The following TUBGCP5 variants were observed in gnomAD, a reference collection of about 807,000 sequenced individuals.
TUBGCP5 encodes the protein tubulin gamma complex component 5.
Under a neutral mutation model 134.7 loss-of-function variants are expected in TUBGCP5, and 98 were observed. The ratio of observed to expected loss-of-function variants is 0.73; its 90% CI spans 0.62 to 0.86. TUBGCP5 has a LOEUF of 0.86. Among genes scored for constraint, TUBGCP5 ranks in the 40% least tolerant of loss-of-function variants. The pLI, the probability that TUBGCP5 is intolerant of heterozygous loss-of-function variation, is 0.00. For synonymous variants in TUBGCP5, 456 were observed against 431.4 expected, an observed-to-expected ratio of 1.06 and a Z score of -0.71; for missense variants, 1,150 against 1,244.8, an observed-to-expected ratio of 0.92 and a Z score of 1.15.
chr15:23,020,932 T>C (rs1238354958), intron 11 of TUBGCP5, among the ~76,000 whole-genome samples: 5 of 152,150 alleles, frequency 3.3e-5, no homozygotes, highest in African/African-American at 1.2e-4. Context: ...TCTTGCTCTG[T>C]TGCCCAGGCT....
chr15:23,031,577 C>T (rs2066316831), intron 5 of TUBGCP5, among the ~76,000 whole-genome samples: 1 of 152,050 alleles, frequency 6.6e-6, no homozygotes, highest in East Asian at 1.9e-4. Flanking sequence ...CTCAGCCTCC[C>T]ACAATGCTGG....
chr15:23,019,700 GGGA>G (rs1200717881), intron 11 of TUBGCP5, among the ~76,000 whole-genome samples: 14 of 152,138 alleles, frequency 9.2e-5, no homozygotes, highest in African/African-American at 3.4e-4. Flanking sequence ...GGGAGGCTGA[GGGA>G]GGAGAATTGC....
chr15:22,996,399 C>T (rs1396854770), downstream of TUBGCP5, among the ~76,000 whole-genome samples: 1 of 152,072 alleles, frequency 6.6e-6, no homozygotes, highest in African/African-American at 2.4e-5. Flanking sequence ...AATCCCAGCA[C>T]TTTGGGAGGC....
At chr15:22,995,093 A>T (rs554139988), downstream of TUBGCP5, among the ~76,000 whole-genome samples, 16 of 152,004 alleles carry the variant, frequency 1.1e-4, no homozygotes, top group South Asian at 2.1e-3. Flanking sequence ...AAAATACAAA[A>T]ATTACCTGGG....
chr15:23,003,023 G>T (rs533626269), intron 21 of TUBGCP5, 42 bp downstream of exon 21: 2 of 1,596,918 alleles, frequency 1.3e-6, no homozygotes, highest in Non-Finnish European at 1.7e-6. Context: ...AGCTGAAGCT[G>T]AAATGGTCAC....
intron 16 of TUBGCP5, among the ~76,000 whole-genome samples, chr15:23,006,961 G>T (rs2064750814): frequency 6.6e-6 from 1 of 152,170 alleles, no homozygotes; most frequent in Non-Finnish European, 1.5e-5. Flanking sequence ...CCTGAGAAAT[G>T]ATGTCCTCTT....
At chr15:22,988,039 T>A (rs1343135004) in intron 23 of TUBGCP5, among the ~76,000 whole-genome samples, 1 of 151,676 alleles carries the variant, frequency 6.6e-6, no homozygotes, top group Non-Finnish European at 1.5e-5. Flanking sequence ...TGCCTTGATG[T>A]TGGGCACTCA....
intron 16 of TUBGCP5, 112 bp from the exon 17 acceptor site, chr15:23,006,464 T>G: frequency 1.4e-6 from 1 of 725,972 alleles, no homozygotes; most frequent in South Asian, 1.8e-5. Context: ...GATACTGCAT[T>G]TCATAAAAGA....
At chr15:23,005,082 T>C (rs1030334352) in intron 19 of TUBGCP5, among the ~76,000 whole-genome samples, 3 of 152,228 alleles carry the variant, frequency 2.0e-5, no homozygotes, top group Admixed American at 6.5e-5. Flanking sequence ...GTAGTGGATT[T>C]TGGCTGTTAT....
chr15:23,008,525 T>C (rs2064854514), intron 16 of TUBGCP5, 174 bp downstream of exon 16: 1 of 792,220 alleles, frequency 1.3e-6, no homozygotes, highest in African/African-American at 1.7e-5. Context: ...CCCAAAGTGC[T>C]GGCATTACAG....
chr15:23,031,319 CTTTT>C, intron 5 of TUBGCP5, among the ~76,000 whole-genome samples: 1 of 144,606 alleles, frequency 6.9e-6, no homozygotes, highest in East Asian at 2.0e-4. Context: ...CTTTTAACTT[CTTTT>C]TTTTTTTTTG....
intron 5 of TUBGCP5, 66 bp from the exon 6 acceptor site, chr15:23,031,086 A>G: frequency 2.1e-6 from 3 of 1,425,364 alleles, no homozygotes; most frequent in Non-Finnish European, 2.8e-6. Flanking sequence ...TTACATTAAA[A>G]GACTAAGAAA....
intron 16 of TUBGCP5, among the ~76,000 whole-genome samples, chr15:23,008,045 C>T (rs777787207): frequency 6.6e-6 from 1 of 152,130 alleles, no homozygotes; most frequent in Non-Finnish European, 1.5e-5. Context: ...GGCCATCAGA[C>T]CCTGACAGGT....
chr15:22,987,845 G>C lies in TUBGCP5; in HGVS notation c.*62-4234C>G, dbSNP rs1219870781. On this transcript the variant is annotated intron_variant and NMD_transcript_variant, in intron 23 of 23. Transcript: ENST00000614508. ...CGGGAGGCAGAGTTTGCAGTGAGCC[G>C]AGATTGCGCCACCACACTCCAGCCT... Among the ~76,000 whole-genome samples the C allele has an allele frequency of 2.2e-5, 3 of 135,782 alleles. No homozygotes were observed. In the Admixed American group the frequency reaches 2.4e-4, roughly 11 times the overall value. The allele number at this position is 135,782 out of a possible 152,430, so 89.1% of individuals were successfully genotyped here.
chr15:22,993,525 G>GTTGT (rs1567083011), intron 23 of TUBGCP5, among the ~76,000 whole-genome samples: 1 of 69,288 alleles, frequency 1.4e-5, no homozygotes, highest in Non-Finnish European at 2.7e-5. Context: ...AGCCCCCGAA[G>GTTGT]TTTTTTTTTT....
chr15:23,037,208 T>C, intron 1 of TUBGCP5, 56 bp from the exon 2 acceptor site: 4 of 1,537,460 alleles, frequency 2.6e-6, no homozygotes, highest in Non-Finnish European at 2.7e-6. Flanking sequence ...GTAAGTGAAC[T>C]CATCTCATGG....
intron 3 of TUBGCP5, among the ~76,000 whole-genome samples, chr15:23,035,601 G>C (rs2066546708): frequency 6.6e-6 from 1 of 152,100 alleles, no homozygotes; most frequent in African/African-American, 2.4e-5. Flanking sequence ...ACAGGAGGTG[G>C]AGCTCAGGCA....
intron 1 of TUBGCP5, among the ~76,000 whole-genome samples, chr15:23,039,027 T>C (rs555747229): frequency 7.7e-6 from 1 of 129,972 alleles, no homozygotes; most frequent in East Asian, 2.8e-4. Context: ...ACAATCTCTT[T>C]AATTTAAAAA....
rs2065862512 is a variant in TUBGCP5, at chr15:23,024,096, T to C, written c.1019A>G (p.Glu340Gly). 2.5e-6 allele frequency: 4 copies of C among 1,614,056 alleles called. No individual in the cohort carries two copies. The highest frequency in any genetic ancestry group is 3.4e-6 in the Non-Finnish European group (4 of 1,180,028). The change falls in exon 10 of 23, where the codon GAG (glutamate) becomes GGG (glycine). Residue 340 changes from glutamate to glycine, a missense_variant. Glu to Gly is a moderately conservative substitution (Grantham distance 98). Around this residue, in one of 2 missense-constraint regions of TUBGCP5, gnomAD observed 697 missense variants for 850.1 expected, o/e 0.82. Transcript: ENST00000615383. ...FIDEVMGHSS[E>G]SMLPGSGSVP... ...AGACCCACTTCCAGGCAGCATGCTC[T>C]CAGAACTGTGTCCCATGACTTCATC...
Sources: allele counts gnomAD v4.1 joint callset (sites outside exome capture counted in the v4.1 genomes callset), GRCh38; gene constraint gnomAD v4.1.1; regional missense constraint gnomAD v4.1.1; transcripts MANE v1.5; gene names NCBI Gene and HGNC (gene_info 2026-07-23, HGNC 2026-07-21).